Variants in ZNF750 observed in about 807,000 individuals in gnomAD.
ZNF750 encodes the protein protein ZNF750.
A neutral mutation model predicts 31.6 loss-of-function variants in ZNF750; 10 were observed. The ratio of observed to expected loss-of-function variants is 0.32; its 90% confidence interval spans 0.19 to 0.54. The LOEUF (loss-of-function observed/expected upper bound fraction) is 0.54, where lower values mean the gene tolerates loss of function less well. Ranked by LOEUF, ZNF750 falls within the 20% of genes least tolerant of loss-of-function variation. The pLI is 0.95. For missense variants in ZNF750, 914 were observed against 934.9 expected (o/e 0.98, Z 0.29); for synonymous variants, 400 against 404.9 (o/e 0.99, Z 0.15).
chr17:82,838,364 G>A (rs1000823849), intron 1 of ZNF750, among the ~76,000 whole-genome samples: 1 of 151,970 alleles, frequency 6.6e-6, no homozygotes, highest in Non-Finnish European at 1.5e-5. Flanking sequence ...AGGACACAGC[G>A]GAAGTAATTA....
chr17:82,836,350 A>G (rs2053973058), intron 1 of ZNF750, among the ~76,000 whole-genome samples: 1 of 152,242 alleles, frequency 6.6e-6, no homozygotes, highest in African/African-American at 2.4e-5. Flanking sequence ...GTGTTACGGC[A>G]GGGATCTGAA....
rs1393368601 is a variant in ZNF750 at position 82,832,444 on chromosome 17, A to C, written c.11T>G (p.Leu4Arg). 6 of 1,611,404 alleles carry C rather than the reference A, an allele frequency of 3.7e-6. No homozygotes were observed. The highest frequency in any genetic ancestry group is 4.2e-6 in the Non-Finnish European group (5 of 1,179,986). The change falls in exon 2 of 3, where the codon CTC becomes CGC. Residue 4 changes from leucine to arginine, a missense_variant. By Grantham distance (102) the Leu-to-Arg change is moderately radical (BLOSUM62 -2). This residue lies in a region of ZNF750 where 34 missense variants were observed against 66.0 expected (regional missense o/e 0.52). Coordinates refer to ENST00000269394, the MANE Select transcript of ZNF750 (RefSeq NM_024702.3). This position sits in a 1 kb window ranked among gnomAD's most constrained non-coding sequence, Gnocchi z 4.9. MSLLKERKPKKPHY... is the reference protein window; with the variant it reads MSLRKERKPKKPHY... ...TGGCTTTTTTGGCTTCCGCTCTTTG[A>C]GGAGACTCATTTTCCTCCTTATGCC... is the stretch of plus-strand genomic sequence containing the variant.
chr17:82,830,271 G>A lies in ZNF750; in HGVS notation c.2043C>T (p.Asp681=). ...SSMESQEAQC[D]LRPKGQKRTS... ...TCCTCTTTTGTCCTTTGGGTCTGAG[G>A]TCACACTGGGCCTCTTGGCTCTCCA... The change falls in exon 3 of 3, where the codon GAC becomes GAT. Residue 681 remains aspartate (D), a synonymous_variant. Transcript: ENST00000269394. 4.3e-6 allele frequency: 7 copies of A among 1,614,218 alleles called. No homozygotes were observed. Among genetic ancestry groups the A allele is most frequent in the Non-Finnish European group, 5.9e-6 (7 of 1,180,048 alleles).
intron 1 of ZNF750, among the ~76,000 whole-genome samples, chr17:82,834,426 T>C (rs1393820054): frequency 6.6e-6 from 1 of 152,198 alleles, no homozygotes; most frequent in Non-Finnish European, 1.5e-5. Flanking sequence ...CTTTAGGGTC[T>C]AAATATTTTC....
intron 2 of ZNF750, 46 bp downstream of exon 2, chr17:82,830,973 A>T: frequency 6.2e-7 from 1 of 1,613,610 alleles, no homozygotes; most frequent in Non-Finnish European, 8.5e-7. Context: ...CATGGAACCC[A>T]ACCAGAAACA....
Position 82,831,609 on chromosome 17 carries a change from T to C in ZNF750, c.846A>G (p.Arg282=). Residue 282 remains arginine (R), a synonymous_variant, in exon 2 of 3, where the codon AGA becomes AGG. Transcript: ENST00000269394. The surrounding 1 kb of genome is among the most constrained non-coding windows in gnomAD (Gnocchi z 4.6). The part of the protein sequence containing the change: ...LLSVYGTQDP[R]HFLPHPGPIP... ...TCGGCCCCGGGTGAGGCAGGAAGTG[T>C]CTCGGGTCTTGGGTTCCGTAGACTG... 6.2e-7 allele frequency: 1 copy of C among 1,614,068 alleles called. No homozygotes were observed. The highest frequency in any genetic ancestry group is 8.5e-7 in the Non-Finnish European group (1 of 1,179,992).
In ZNF750 at chr17:82,830,877, G is replaced by T; in HGVS notation, c.1437C>A (p.Ser479Arg). The stretch of plus-strand genomic sequence containing the variant: ...GAGGGTCTCCGTTCACAACATTGAG[G>T]CTAGAAGAAGCCAAGAAAAAGCTTA... ...AAETTAESPV[S>R]LNVVNGDPPA... The change falls in exon 3 of 3, where the codon AGC (serine) becomes AGA (arginine). Residue 479 changes from serine (S) to arginine (R), a missense_variant and splice_region_variant. Physicochemically the swap from Ser to Arg is moderately radical, Grantham distance 110. This residue lies in a region of ZNF750 where 880 missense variants were observed against 868.9 expected (regional missense o/e 1.01). Coordinates refer to ENST00000269394, the MANE Select transcript of ZNF750 (RefSeq NM_024702.3). The T allele has an allele frequency of 6.2e-7, 1 of 1,612,702 alleles. No individual in the cohort carries two copies. The highest frequency in any genetic ancestry group is 8.5e-7 in the Non-Finnish European group (1 of 1,180,028).
rs370365856 is a variant in ZNF750 at position 82,830,403 on chromosome 17, G to A, written c.1911C>T (p.Ala637=). 1.2e-5 allele frequency: 19 copies of A among 1,611,660 alleles called. No homozygotes were observed. The African/African-American group carries it at 2.4e-4, about 20-fold the overall frequency. ...GGCTGTAGGCCGCCAGCTGGCACAG[G>A]GCCACGGCTGCCGTCTGCTTCTGCT... ...SEEQKQTAAV[A]LCQLAAYSPR... The change falls in exon 3 of 3, where the codon GCC becomes GCT. Residue 637 remains alanine, a synonymous_variant. Transcript: ENST00000269394.
intron 1 of ZNF750, among the ~76,000 whole-genome samples, chr17:82,836,039 G>T (rs891390549): frequency 6.6e-6 from 1 of 152,216 alleles, no homozygotes; most frequent in African/African-American, 2.4e-5. Flanking sequence ...CCGGGTCAAG[G>T]CCAAGCAAAT....
At chr17:82,830,952 T>G in intron 2 of ZNF750, 67 bp downstream of exon 2, 1 of 1,613,372 alleles carries the variant, frequency 6.2e-7, no homozygotes, top group Admixed American at 1.7e-5. Flanking sequence ...TGAGCAAGTA[T>G]AAGCCTGGCT....
At position 82,830,389 on chromosome 17, in the gene ZNF750, G is replaced by A. The variant is rs2145232503; in HGVS notation, c.1925C>T (p.Ala642Val). The A allele has an allele frequency of 1.9e-6, 3 of 1,612,160 alleles. No homozygotes were observed. The highest frequency in any genetic ancestry group is 1.1e-5 in the South Asian group (1 of 91,080). The change falls in exon 3 of 3, where the codon GCG becomes GTG. Residue 642 changes from alanine to valine, a missense_variant. By Grantham distance (64) the Ala-to-Val change is moderately conservative (BLOSUM62 0). Coordinates refer to ENST00000269394, the MANE Select transcript of ZNF750 (RefSeq NM_024702.3). The stretch of plus-strand genomic sequence containing the variant: ...CCGGATGTTCCTGGGGCTGTAGGCC[G>A]CCAGCTGGCACAGGGCCACGGCTGC... ...QTAAVALCQL[A>V]AYSPRNIRVG...
chr17:82,836,210 G>A (rs939858639), intron 1 of ZNF750, among the ~76,000 whole-genome samples: 4 of 152,284 alleles, frequency 2.6e-5, no homozygotes, highest in African/African-American at 9.6e-5. Flanking sequence ...GAAGCCGGGT[G>A]CCTGGTTCCA....
chr17:82,832,182 G>A lies in ZNF750; in HGVS notation c.273C>T (p.Val91=), dbSNP rs376956972. The A allele has an allele frequency of 3.8e-5, 62 of 1,614,146 alleles. No homozygotes were observed. Among genetic ancestry groups the A allele is most frequent in the African/African-American group, 2.7e-4 (20 of 74,950 alleles). Residue 91 remains valine, a synonymous_variant, in exon 2 of 3, where the codon GTC becomes GTT. Coordinates refer to ENST00000269394, the MANE Select transcript of ZNF750 (RefSeq NM_024702.3). The surrounding 1 kb of genome is among the most constrained non-coding windows in gnomAD (Gnocchi z 4.9). ...AGTCGAAGGCAGAGAGTCCATTTGC[G>A]ACAGACTTGGAAGAGGCTGGCTTCG... ...ATAKPASSKS[V]ANGLSAFDSK... is the part of the protein sequence containing the mutation.
intron 1 of ZNF750, among the ~76,000 whole-genome samples, chr17:82,834,708 G>C (rs1198010645): frequency 4.0e-5 from 6 of 151,838 alleles, no homozygotes; most frequent in Non-Finnish European, 2.9e-5. Context: ...CACACACCAG[G>C]GCCTGTTTAG....
At chr17:82,837,090 C>T (rs1444059389) in intron 1 of ZNF750, among the ~76,000 whole-genome samples, 1 of 152,154 alleles carries the variant, frequency 6.6e-6, no homozygotes, top group African/African-American at 2.4e-5. Flanking sequence ...AGTTGTAAGC[C>T]GGGCGTAGGT....
chr17:82,835,463 C>T lies in ZNF750; in HGVS notation c.-182-2827G>A, dbSNP rs2053887278. On this transcript the variant is annotated intron_variant, in intron 1 of 2. Transcript: ENST00000269394. The surrounding 1 kb of genome is among the most constrained non-coding windows in gnomAD (Gnocchi z 4.5). ...TTGAGACGGAGTTTTGGTCTTGTTG[C>T]CCAGGCTGGAGGGCAGTGGTGCGAT... Among the ~76,000 whole-genome samples the T allele has an allele frequency of 6.6e-6, 1 of 152,110 alleles. No individual in the cohort carries two copies. Among genetic ancestry groups the T allele is most frequent in the Admixed American group, 6.5e-5 (1 of 15,272 alleles).
chr17:82,836,551 C>G (rs3803769), intron 1 of ZNF750, among the ~76,000 whole-genome samples: 2 of 152,190 alleles, frequency 1.3e-5, no homozygotes, highest in East Asian at 3.9e-4. Flanking sequence ...TTCGAAGCCG[C>G]ATTATTTCAC....
rs762012245 is a variant in ZNF750, at chr17:82,832,317, A to G, written c.138T>C (p.Tyr46=). The part of the protein sequence containing the change: ...EKSHLFNHMK[Y]GLCKNSITLV... ...AAGTAATCGAGTTTTTACAAAGACCATACTTCATGTGATTAAAAAGATGTG... is the reference window on the plus strand; with the variant it reads ...AAGTAATCGAGTTTTTACAAAGACCGTACTTCATGTGATTAAAAAGATGTG... Residue 46 remains tyrosine (Y), a synonymous_variant, in exon 2 of 3, where the codon TAT becomes TAC. Transcript: ENST00000269394. This position sits in a 1 kb window ranked among gnomAD's most constrained non-coding sequence, Gnocchi z 4.9. 2 of 1,614,134 alleles carry G rather than the reference A, an allele frequency of 1.2e-6. No homozygotes were observed. The highest frequency in any genetic ancestry group is 1.1e-5 in the South Asian group (1 of 91,094).
chr17:82,838,431 G>A (rs1377457857), intron 1 of ZNF750, among the ~76,000 whole-genome samples: 3 of 152,140 alleles, frequency 2.0e-5, no homozygotes, highest in Non-Finnish European at 4.4e-5. Flanking sequence ...CTTGTCATGC[G>A]TCCTAACCTG....
Sources: allele counts gnomAD v4.1 joint callset (sites outside exome capture counted in the v4.1 genomes callset), GRCh38; gene constraint gnomAD v4.1.1; regional missense constraint gnomAD v4.1.1; non-coding constraint Gnocchi (gnomAD v3.1); transcripts MANE v1.5; gene names NCBI Gene and HGNC (gene_info 2026-07-23, HGNC 2026-07-21).